The following BCAP29 variants were observed in gnomAD, a reference collection of about 807,000 sequenced individuals.
BCAP29 encodes B-cell receptor-associated protein 29.
Under a neutral mutation model 31.8 loss-of-function variants are expected in BCAP29, and 34 were observed. That is an observed-to-expected ratio of 1.07 (90% CI 0.81 to 1.42). BCAP29 has a LOEUF of 1.42. Among genes scored for constraint, BCAP29 ranks in the 40% most tolerant of loss-of-function variants. The pLI is 0.00. For synonymous variants in BCAP29, 104 were observed against 91.3 expected (o/e 1.14, Z -0.79); for missense variants, 314 against 269.2 (o/e 1.17, Z -1.16).
chr7:107,613,486 A>G, intron 7 of BCAP29, 54 bp downstream of exon 7: 1 of 1,406,310 alleles, frequency 7.1e-7, no homozygotes, highest in African/African-American at 1.4e-5. Context: ...GTAATTACCT[A>G]AGTAAATTAT....
rs149844646 is a variant in BCAP29 at position 107,591,549 on chromosome 7, CA to C, written c.194-2405del. Among the ~76,000 whole-genome samples, 8 of 148,526 alleles carry C rather than the reference CA, an allele frequency of 5.4e-5. No homozygotes were observed. In the East Asian group the frequency reaches 1.6e-3, roughly 29 times the overall value. ...TTTAAACTTAACAAGCCTCTACGAGCATATGAGCCAGTTCCTTAAAATAAAT... is the reference window on the plus strand; with the variant it reads ...TTTAAACTTAACAAGCCTCTACGAGCTATGAGCCAGTTCCTTAAAATAAAT... On this transcript the variant is annotated intron_variant, in intron 3 of 7. Transcript: ENST00000005259.
At chr7:107,599,216 T>TATAATTTTTATATATATATTTATATATAA (rs1563133892) in intron 5 of BCAP29, among the ~76,000 whole-genome samples, 3 of 16,322 alleles carry the variant, frequency 1.8e-4, no homozygotes, top group African/African-American at 6.6e-4. Context: ...TATAAATATA[T>TATAATTTTTATATATATATTTATATATAA]ATATACATAA....
intron 5 of BCAP29, among the ~76,000 whole-genome samples, chr7:107,599,237 T>A (rs1164614582): frequency 7.7e-6 from 1 of 129,748 alleles, no homozygotes; most frequent in Non-Finnish European, 1.6e-5. Flanking sequence ...TTATATATAT[T>A]TATATATAAA....
At chr7:107,607,944 C>T (rs1457071515) in intron 6 of BCAP29, among the ~76,000 whole-genome samples, 1 of 152,070 alleles carries the variant, frequency 6.6e-6, no homozygotes, top group Admixed American at 6.6e-5. Flanking sequence ...GGCCTGGATT[C>T]CATGTTTTCT....
intron 6 of BCAP29, among the ~76,000 whole-genome samples, chr7:107,604,814 G>T (rs1284681657): frequency 7.0e-6 from 1 of 143,392 alleles, no homozygotes; most frequent in Non-Finnish European, 1.5e-5. Context: ...TGTATCAACT[G>T]AAAAAAAAAA....
Position 107,595,952 on chromosome 7 carries a change from A to G in BCAP29, c.430A>G (p.Thr144Ala), listed in dbSNP as rs1809737737. 1.3e-6 allele frequency: 2 copies of G among 1,594,122 alleles called. No homozygotes were observed. Among genetic ancestry groups the G allele is most frequent in the Middle Eastern group, 1.7e-4 (1 of 6,006 alleles). Residue 144 changes from threonine to alanine, a missense_variant, in exon 5 of 8, where the codon ACT becomes GCT. Thr to Ala is a moderately conservative substitution (Grantham distance 58, BLOSUM62 0). Transcript: ENST00000005259. Reference sequence around the variant, plus strand: ...TGTACTTAAAACTCAAGCAGAAAATACTAACAAGGCTGCCAAAAAATTTAT... The same window carrying G: ...TGTACTTAAAACTCAAGCAGAAAATGCTAACAAGGCTGCCAAAAAATTTAT... The part of the protein sequence containing the change: ...KGVLKTQAEN[T>A]NKAAKKFMEE...
In BCAP29 at chr7:107,618,369, A is replaced by T. The variant is rs771550713; in HGVS notation, c.*6A>T. ...GCAACAAGAAAAGACTGTGAACTTT[A>T]TAAAAGACACTTGCAATATACTGTG... On this transcript the variant is annotated 3_prime_UTR_variant, in exon 8 of 8. Transcript: ENST00000005259. 1.9e-6 allele frequency: 3 copies of T among 1,608,338 alleles called. No individual in the cohort carries two copies. Among genetic ancestry groups the T allele is most frequent in the Non-Finnish European group, 2.5e-6 (3 of 1,176,710 alleles).
At position 107,618,807 on chromosome 7, in the gene BCAP29, G is replaced by T; in HGVS notation, c.*444G>T. 1 of 405,372 alleles carries T rather than the reference G, an allele frequency of 2.5e-6. No individual in the cohort carries two copies. 25.1% of individuals were successfully genotyped at this position (405,372 alleles called of 1,614,324 possible). The stretch of plus-strand genomic sequence containing the variant: ...TTCAATATCAGCAAATTTGTACACA[G>T]GGAATGTAAATAAGGATAACTGATC... On this transcript the variant is annotated 3_prime_UTR_variant, in exon 8 of 8. Transcript: ENST00000005259.
chr7:107,617,393 T>C (rs1814379965), intron 7 of BCAP29, among the ~76,000 whole-genome samples: 1 of 152,146 alleles, frequency 6.6e-6, no homozygotes, highest in South Asian at 2.1e-4. Flanking sequence ...CCCCTCCCTG[T>C]TATAGGCACT....
chr7:107,612,430 T>C (rs1813368074), intron 6 of BCAP29, among the ~76,000 whole-genome samples: 1 of 52,120 alleles, frequency 1.9e-5, no homozygotes, highest in African/African-American at 4.3e-5. Flanking sequence ...TATATATATA[T>C]ATATATATAT....
intron 3 of BCAP29, among the ~76,000 whole-genome samples, chr7:107,591,972 A>C (rs952276209): frequency 1.3e-5 from 2 of 151,982 alleles, no homozygotes; most frequent in Admixed American, 6.6e-5. Flanking sequence ...TTAAAAAAAG[A>C]GACAGGGTCT....
chr7:107,600,066 TC>T (rs1456177720), intron 5 of BCAP29, among the ~76,000 whole-genome samples: 1 of 152,178 alleles, frequency 6.6e-6, no homozygotes, highest in Non-Finnish European at 1.5e-5. Context: ...ACTGTTTTTT[TC>T]CCTTAGATTT....
chr7:107,608,456 ATATT>A (rs1240784773), intron 6 of BCAP29, among the ~76,000 whole-genome samples: 4 of 150,396 alleles, frequency 2.7e-5, no homozygotes, highest in Non-Finnish European at 4.4e-5. Context: ...TCCATTTTGG[ATATT>A]TGTTTGTTTG....
At chr7:107,582,022 A>G (rs1806774554) in intron 2 of BCAP29, among the ~76,000 whole-genome samples, 1 of 152,188 alleles carries the variant, frequency 6.6e-6, no homozygotes, top group African/African-American at 2.4e-5. Context: ...TTTCTACTCC[A>G]TCATGCTGCC....
At position 107,600,518 on chromosome 7, in the gene BCAP29, A is replaced by G. The variant is rs1474788319; in HGVS notation, c.589+13A>G. On this transcript the variant is annotated intron_variant, in intron 6 of 7. Transcript: ENST00000005259. ...AAGACTTCAGATGGTAACTTTGTGT[A>G]CATGTGAAAAAGTAAAAAGACTAGC... 1 of 1,488,914 alleles carries G rather than the reference A, an allele frequency of 6.7e-7. No individual in the cohort carries two copies. The highest frequency in any genetic ancestry group is 1.8e-5 in the Admixed American group (1 of 56,976). 92.2% of individuals were successfully genotyped at this position (1,488,914 alleles called of 1,614,324 possible). A position where few individuals can be genotyped will look rare whatever the true frequency, so the allele number is the denominator to read the frequency against.
intron 6 of BCAP29, among the ~76,000 whole-genome samples, chr7:107,608,135 T>C (rs755094874): frequency 3.3e-5 from 5 of 151,994 alleles, no homozygotes; most frequent in Non-Finnish European, 7.4e-5. Flanking sequence ...CATACCGTAA[T>C]CTTTGTGAAT....
downstream of BCAP29, chr7:107,621,655 G>A (rs1328130015): frequency 4.3e-6 from 2 of 470,140 alleles, no homozygotes; most frequent in Non-Finnish European, 8.8e-6. Flanking sequence ...TTACCACACA[G>A]AAGAGGAGAA....
chr7:107,591,015 T>G (rs903021711), intron 3 of BCAP29, among the ~76,000 whole-genome samples: 4 of 152,154 alleles, frequency 2.6e-5, no homozygotes, highest in African/African-American at 9.7e-5. Flanking sequence ...TTTTAAAAAT[T>G]CCTTTTCTAA....
intron 3 of BCAP29, among the ~76,000 whole-genome samples, chr7:107,586,239 A>G (rs573624166): frequency 1.3e-4 from 20 of 152,278 alleles, no homozygotes; most frequent in African/African-American, 4.6e-4. Flanking sequence ...CACAGCTGCC[A>G]GGTGTGGTAC....
Sources: gnomAD v4.1 joint callset for allele counts (sites outside exome capture counted in the v4.1 genomes callset) on GRCh38, gnomAD v4.1.1 for gene constraint, MANE v1.5 for transcripts, NCBI Gene and HGNC (gene_info 2026-07-23, HGNC 2026-07-21) for gene names.